LANCL1: variants seen among roughly 807,000 people sequenced by gnomAD.
The protein encoded by LANCL1 is LanC like glutathione S-transferase 1, also known as glutathione S-transferase LANCL1.
LANCL1 carries 50 observed loss-of-function variants against 50.6 expected under a neutral mutation model. The observed-to-expected ratio is 0.99, with a 90% CI of 0.79 to 1.25. The LOEUF (loss-of-function observed/expected upper bound fraction) is 1.25. LANCL1 is among the 50% of genes most tolerant of loss of function. The pLI is 0.00. For synonymous variants in LANCL1, 188 were observed against 178.6 expected, an observed-to-expected ratio of 1.05 and a Z score of -0.42; for missense variants, 532 against 480.7, an observed-to-expected ratio of 1.11 and a Z score of -1.00.
At chr2:210,441,667 A>T (rs1299024723) in intron 4 of LANCL1, among the ~76,000 whole-genome samples, 1 of 152,140 alleles carries the variant, frequency 6.6e-6, no homozygotes, top group Non-Finnish European at 1.5e-5. Context: ...AAGAATACAA[A>T]TGTATGGCTG....
chr2:210,471,041 G>A (rs1176262158), intron 3 of LANCL1, among the ~76,000 whole-genome samples: 2 of 48,308 alleles, frequency 4.1e-5, no homozygotes, highest in Non-Finnish European at 1.2e-4. Flanking sequence ...TTTCTTCTTT[G>A]ATTTTTTTTT....
chr2:210,446,518 C>T (rs571180924), intron 4 of LANCL1, among the ~76,000 whole-genome samples: 25 of 152,076 alleles, frequency 1.6e-4, no homozygotes, highest in African/African-American at 4.3e-4. Context: ...GACAAATTGA[C>T]GGAAGTAGGC....
chr2:210,436,273 G>C lies in LANCL1; in HGVS notation c.993C>G (p.Ala331=), dbSNP rs1217877285. The change falls in exon 8 of 10, where the codon GCC becomes GCG. Residue 331 remains alanine (A), a synonymous_variant. Transcript: ENST00000450366. ...GTGTGAGGTTGTAGAGTGTCAGGAA[G>C]GCATAGGCATTCCCTGCAGAACCGT... is the stretch of plus-strand genomic sequence containing the variant. The part of the protein sequence containing the change: ...LCHGSAGNAY[A]FLTLYNLTQD... 1 of 1,613,982 alleles carries C rather than the reference G, an allele frequency of 6.2e-7. No homozygotes were observed. The highest frequency in any genetic ancestry group is 1.7e-5 in the Admixed American group (1 of 60,014).
chr2:210,457,461 G>A (rs1037240625), intron 3 of LANCL1, among the ~76,000 whole-genome samples: 3 of 152,100 alleles, frequency 2.0e-5, no homozygotes, highest in African/African-American at 7.2e-5. Context: ...AAAGACTCAG[G>A]GATGGTTGGC....
chr2:210,443,108 G>A (rs1693195918), intron 4 of LANCL1, among the ~76,000 whole-genome samples: 1 of 152,170 alleles, frequency 6.6e-6, no homozygotes, highest in Admixed American at 6.5e-5. Flanking sequence ...GCACAGCAGG[G>A]TCATCAAAGC....
At chr2:210,436,083 A>T in intron 8 of LANCL1, 133 bp downstream of exon 8, 1 of 676,154 alleles carries the variant, frequency 1.5e-6, no homozygotes, top group South Asian at 2.1e-5. Context: ...TTGTCATTTT[A>T]GTAGACCATG....
chr2:210,435,892 GCTTTT>G (rs1255465146), intron 8 of LANCL1, among the ~76,000 whole-genome samples: 3 of 113,818 alleles, frequency 2.6e-5, no homozygotes, highest in African/African-American at 9.8e-5. Context: ...TGGGAGACCT[GCTTTT>G]TTTTTTTTTT....
In LANCL1 at chr2:210,436,333, T is replaced by C; in HGVS notation, c.933A>G (p.Gln311=). ...DAYQCADVIW[Q]YGLLKKGYGL... ...CATATCCCTTCTTCAGCAACCCATA[T>C]TGCCAGATCACATCAGCACACTGAT... The change falls in exon 8 of 10, where the codon CAA becomes CAG. Residue 311 remains glutamine, a synonymous_variant. Coordinates refer to ENST00000450366, the MANE Select transcript of LANCL1 (RefSeq NM_006055.3). 3 of 1,614,096 alleles carry C rather than the reference T, an allele frequency of 1.9e-6. No individual in the cohort carries two copies. Among genetic ancestry groups the C allele is most frequent in the Non-Finnish European group, 2.5e-6 (3 of 1,179,980 alleles).
chr2:210,438,069 A>G (rs1458249449), intron 6 of LANCL1, among the ~76,000 whole-genome samples, 197 bp from the exon 7 acceptor site: 1 of 151,378 alleles, frequency 6.6e-6, no homozygotes, highest in East Asian at 1.9e-4. Context: ...ATTTTAAACA[A>G]TGGGACAAAG....
At chr2:210,458,247 T>C (rs1286261801) in intron 3 of LANCL1, among the ~76,000 whole-genome samples, 1 of 152,142 alleles carries the variant, frequency 6.6e-6, no homozygotes, top group Non-Finnish European at 1.5e-5. Context: ...TTCGGTTCTG[T>C]TAAAGCCACT....
chr2:210,474,701 G>T (rs944176672), intron 2 of LANCL1, among the ~76,000 whole-genome samples: 1 of 150,548 alleles, frequency 6.6e-6, no homozygotes, highest in Non-Finnish European at 1.5e-5. Context: ...ACTCCAGCCT[G>T]GGCTCAGGGT....
At chr2:210,465,100 A>G (rs917377364) in intron 3 of LANCL1, among the ~76,000 whole-genome samples, 1 of 152,234 alleles carries the variant, frequency 6.6e-6, no homozygotes, top group South Asian at 2.1e-4. Flanking sequence ...ACTGTAGTAC[A>G]GCAATAACTT....
Position 210,441,435 on chromosome 2 carries a change from T to C in LANCL1, c.416A>G (p.His139Arg), listed in dbSNP as rs768901249. ...AGCATGAGGATCAATCTTATTTAGGTGAATTAGCCTAAAAATAAAAATACA... is the reference window on the plus strand; with the variant it reads ...AGCATGAGGATCAATCTTATTTAGGCGAATTAGCCTAAAAATAAAAATACA... ...QAEDCITRLI[H>R]LNKIDPHAPN... is the part of the protein sequence containing the mutation. Residue 139 changes from histidine (H) to arginine (R), a missense_variant, in exon 5 of 10, where the codon CAC becomes CGC. Physicochemically the swap from His to Arg is conservative, Grantham distance 29. Coordinates refer to ENST00000450366, the MANE Select transcript of LANCL1 (RefSeq NM_006055.3). 7.5e-6 allele frequency: 12 copies of C among 1,604,844 alleles called. No individual in the cohort carries two copies. The highest frequency in any genetic ancestry group is 1.7e-5 in the Admixed American group (1 of 59,228).
At chr2:210,476,875 G>T (rs2287417), upstream of LANCL1, 460,583 of 926,038 alleles carry the variant, frequency 0.5, 117,933 homozygotes, top group East Asian at 0.62. Flanking sequence ...ATAACGCAGG[G>T]TATTTTAATT....
chr2:210,436,072 T>C, intron 8 of LANCL1, 144 bp downstream of exon 8: 1 of 615,730 alleles, frequency 1.6e-6, no homozygotes, highest in Non-Finnish European at 2.7e-6. Flanking sequence ...TGGCTAATTT[T>C]TTGTCATTTT....
In LANCL1 at chr2:210,434,127, T is replaced by G; in HGVS notation, c.*360A>C. The G allele has an allele frequency of 6.1e-6, 1 of 163,172 alleles. No individual in the cohort carries two copies. The highest frequency in any genetic ancestry group is 1.3e-5 in the Non-Finnish European group (1 of 75,430). The allele number at this position is 163,172 out of a possible 1,614,324, so 10.1% of individuals were successfully genotyped here. A position where few individuals can be genotyped will look rare whatever the true frequency, so the allele number is the denominator to read the frequency against. ...TAATAGTCACATATTTATCTTTATC[T>G]GTATTGAGTTTCTTTTAAACATTTT... On this transcript the variant is annotated 3_prime_UTR_variant, in exon 10 of 10. Coordinates refer to ENST00000450366, the MANE Select transcript of LANCL1 (RefSeq NM_006055.3).
chr2:210,445,552 CT>C (rs1693296601), intron 4 of LANCL1, among the ~76,000 whole-genome samples: 1 of 151,972 alleles, frequency 6.6e-6, no homozygotes. Context: ...TAGGACTTAA[CT>C]GCAAGTTGTA....
rs2105883249 is a variant in LANCL1 at position 210,436,223 on chromosome 2, G to C, written c.1043C>G (p.Ala348Gly). The change falls in exon 8 of 10, where the codon GCC becomes GGC. Residue 348 changes from alanine to glycine, a missense_variant. Coordinates refer to ENST00000450366, the MANE Select transcript of LANCL1 (RefSeq NM_006055.3). ...LTQDMKYLYR[A>G]CKFAEWCLEY... ...GGTGGTTCTGACTCCTACCTTACAGGCCCTATACAGGTACTTCATGTCCTG... is the reference window on the plus strand; with the variant it reads ...GGTGGTTCTGACTCCTACCTTACAGCCCCTATACAGGTACTTCATGTCCTG... The C allele has an allele frequency of 1.3e-5, 21 of 1,613,662 alleles. No individual in the cohort carries two copies. The highest frequency in any genetic ancestry group is 1.8e-5 in the Non-Finnish European group (21 of 1,179,796).
intron 2 of LANCL1, among the ~76,000 whole-genome samples, chr2:210,474,739 A>AAAATAAAAATAAATAAAT (rs1553715860): frequency 2.0e-5 from 3 of 147,990 alleles, no homozygotes; most frequent in South Asian, 2.1e-4. Flanking sequence ...AATAAAAATA[A>AAAATAAAAATAAATAAAT]AAATAAATAA....
Sources: allele counts gnomAD v4.1 joint callset (sites outside exome capture counted in the v4.1 genomes callset), GRCh38; gene constraint gnomAD v4.1.1; transcripts MANE v1.5; gene names NCBI Gene and HGNC (gene_info 2026-07-23, HGNC 2026-07-21).